Variants in GUCD1 observed in about 807,000 individuals in gnomAD.
GUCD1 encodes guanylyl cyclase domain containing 1, also known as protein GUCD1.
In GUCD1, 17 loss-of-function variants were observed where a neutral mutation model predicts 28.3. The ratio of observed to expected loss-of-function variants is 0.60; its 90% confidence interval spans 0.41 to 0.90. GUCD1 has a LOEUF of 0.90. GUCD1 is among the 40% of genes least tolerant of loss of function. The pLI, the probability that GUCD1 is intolerant of heterozygous loss-of-function variation, is 0.00. For synonymous variants in GUCD1, 129 were observed against 123.3 expected (o/e 1.05, Z -0.30); for missense variants, 279 against 305.5 (o/e 0.91, Z 0.65).
chr22:24,543,969 G>C lies in GUCD1; in HGVS notation c.501C>G (p.Cys167Trp), dbSNP rs1386941959. Residue 167 changes from cysteine to tryptophan, a missense_variant, in exon 5 of 6, where the codon TGC (cysteine) becomes TGG (tryptophan). Cys to Trp is a radical substitution (Grantham distance 215, BLOSUM62 -2). Coordinates refer to ENST00000435822, the MANE Select transcript of GUCD1 (RefSeq NM_001284254.2). ...CDLCSSPVKY[C>W]CFTPSGHHCF... ...AGTGGTGGCCACTGGGGGTGAAGCA[G>C]CAGTACTTGACAGGGCTGGAGCACA... The C allele has an allele frequency of 2.5e-6, 4 of 1,614,064 alleles. No homozygotes were observed. The highest frequency in any genetic ancestry group is 3.4e-6 in the Non-Finnish European group (4 of 1,179,986).
chr22:24,548,060 G>C lies in GUCD1; in HGVS notation c.142C>G (p.Leu48Val). 6.2e-7 allele frequency: 1 copy of C among 1,613,878 alleles called. No homozygotes were observed. Among genetic ancestry groups the C allele is most frequent in the Non-Finnish European group, 8.5e-7 (1 of 1,179,932 alleles). The change falls in exon 3 of 6, where the codon CTG (leucine) becomes GTG (valine). Residue 48 changes from leucine (L) to valine (V), a missense_variant. By Grantham distance (32) the Leu-to-Val change is conservative. Coordinates refer to ENST00000435822, the MANE Select transcript of GUCD1 (RefSeq NM_001284254.2). ...GCTCTCTCAAACTCACTGTCGTCCA[G>C]CTGGCCCAGGTACCTGCAGGTAGAC... ...SRMVLRYLGQ[L>V]DDSEFERALQ... is the part of the protein sequence containing the mutation.
At chr22:24,544,592 A>G (rs1021378237) in intron 4 of GUCD1, among the ~76,000 whole-genome samples, 2 of 152,162 alleles carry the variant, frequency 1.3e-5, no homozygotes, top group African/African-American at 4.8e-5. Context: ...GCTGCCCAGG[A>G]AGGGCTGGGC....
Position 24,541,984 on chromosome 22 carries a change from A to G in GUCD1, c.*1022T>C, listed in dbSNP as rs1333717968. 6.6e-6 allele frequency: 1 copy of G among 152,278 alleles called. No homozygotes were observed. The highest frequency in any genetic ancestry group is 1.5e-5 in the Non-Finnish European group (1 of 68,056). 9.4% of individuals were successfully genotyped at this position (152,278 alleles called of 1,614,324 possible). A position where few individuals can be genotyped will look rare whatever the true frequency, so the allele number is the denominator to read the frequency against. On this transcript the variant is annotated 3_prime_UTR_variant, in exon 6 of 6. Coordinates refer to ENST00000435822, the MANE Select transcript of GUCD1 (RefSeq NM_001284254.2). ...CAAAAAAGAGGAAGGAAAGAGCTCTATGCTACTTGCTGTGTTGTAAGATCC... is the reference window on the plus strand; with the variant it reads ...CAAAAAAGAGGAAGGAAAGAGCTCTGTGCTACTTGCTGTGTTGTAAGATCC...
At chr22:24,543,211 T>TTC in intron 5 of GUCD1, 114 bp from the exon 6 acceptor site, 1 of 750,214 alleles carries the variant, frequency 1.3e-6, no homozygotes, top group Non-Finnish European at 2.4e-6. Flanking sequence ...CACATGGCCA[T>TTC]TCCTCTCAAC....
chr22:24,555,340 G>A (rs2045025939), upstream of GUCD1: 2 of 1,378,882 alleles, frequency 1.5e-6, no homozygotes, highest in Non-Finnish European at 9.4e-7. Flanking sequence ...ACCAGGACGC[G>A]GGCCCCGGAA....
intron 1 of GUCD1, among the ~76,000 whole-genome samples, chr22:24,551,720 CTA>C (rs2044880442): frequency 6.6e-6 from 1 of 152,222 alleles, no homozygotes. Flanking sequence ...TCACAGCATC[CTA>C]TTCGTTTCCT....
chr22:24,553,430 G>C (rs577079860), intron 1 of GUCD1, among the ~76,000 whole-genome samples: 1 of 152,224 alleles, frequency 6.6e-6, no homozygotes, highest in Non-Finnish European at 1.5e-5. Context: ...ATGGGGATGA[G>C]GTTGCATTTG....
chr22:24,542,916 G>A lies in GUCD1; in HGVS notation c.*90C>T, dbSNP rs925615239. ...GCTGCAGTTCCACATTCCAACCCCA[G>A]CAGCCCCAAGCCTGGGCCAGGGCAT... On this transcript the variant is annotated 3_prime_UTR_variant, in exon 6 of 6. Transcript: ENST00000435822. 3 of 898,078 alleles carry A rather than the reference G, an allele frequency of 3.3e-6. No homozygotes were observed. Among genetic ancestry groups the A allele is most frequent in the East Asian group, 2.4e-5 (1 of 41,098 alleles). The allele number at this position is 898,078 out of a possible 1,614,324, so 55.6% of individuals were successfully genotyped here.
At chr22:24,554,815 ACT>A (rs1406317604) in intron 1 of GUCD1, 132 bp downstream of exon 1, 8 of 662,142 alleles carry the variant, frequency 1.2e-5, no homozygotes, top group Admixed American at 2.9e-5. Flanking sequence ...GGAAACCCCC[ACT>A]GACTGGAACC....
At chr22:24,544,191 T>C in intron 4 of GUCD1, 108 bp from the exon 5 acceptor site, 1 of 1,474,452 alleles carries the variant, frequency 6.8e-7, no homozygotes, top group Middle Eastern at 2.0e-4. Context: ...GGGGATCGGC[T>C]CCTTTTCCCT....
At position 24,555,033 on chromosome 22, in the gene GUCD1, G is replaced by A; in HGVS notation, c.-42C>T. On this transcript the variant is annotated 5_prime_UTR_variant, in exon 1 of 6. Transcript: ENST00000435822. Reference sequence around the variant, plus strand: ...GGCGCCCATGGCCCCGGCCCAGAGCGGGCTACAGCTTCCGCTTCGGCTGGG... The same window carrying A: ...GGCGCCCATGGCCCCGGCCCAGAGCAGGCTACAGCTTCCGCTTCGGCTGGG... The A allele has an allele frequency of 7.1e-7, 1 of 1,407,464 alleles. No homozygotes were observed. Among genetic ancestry groups the A allele is most frequent in the Non-Finnish European group, 9.3e-7 (1 of 1,078,958 alleles). The allele number at this position is 1,407,464 out of a possible 1,614,324, so 87.2% of individuals were successfully genotyped here. A position where few individuals can be genotyped will look rare whatever the true frequency, so the allele number is the denominator to read the frequency against.
chr22:24,547,654 G>A (rs2044761673), intron 3 of GUCD1: 2 of 475,020 alleles, frequency 4.2e-6, no homozygotes, highest in African/African-American at 3.9e-5. Flanking sequence ...TCTGAGGGCT[G>A]TAGAAGGCAG....
rs373201336 is a variant in GUCD1, at chr22:24,544,065, G to A, written c.405C>T (p.Asp135=). Residue 135 remains aspartate, a synonymous_variant, in exon 5 of 6, where the codon GAC becomes GAT. Transcript: ENST00000435822. ...LVEKCTVSVK[D]IQAHLAQGHV... ...GGCCCTGAGCCAGGTGCGCCTGGATGTCCTTCACACTCACTGTGCTGTGGG... is the reference window on the plus strand; with the variant it reads ...GGCCCTGAGCCAGGTGCGCCTGGATATCCTTCACACTCACTGTGCTGTGGG... The A allele has an allele frequency of 1.9e-4, 306 of 1,611,510 alleles. No homozygotes were observed. The highest frequency in any genetic ancestry group is 2.4e-4 in the Non-Finnish European group (284 of 1,178,210).
rs371348565 is a variant in GUCD1, at chr22:24,544,056, C to T, written c.414G>A (p.Ala138=). The change falls in exon 5 of 6, where the codon GCG becomes GCA. Residue 138 remains alanine (A), a synonymous_variant. Coordinates refer to ENST00000435822, the MANE Select transcript of GUCD1 (RefSeq NM_001284254.2). ...TGGCCACATGGCCCTGAGCCAGGTG[C>T]GCCTGGATGTCCTTCACACTCACTG... ...KCTVSVKDIQ[A]HLAQGHVAIV... The T allele has an allele frequency of 1.6e-4, 251 of 1,612,080 alleles. No homozygotes were observed. Among genetic ancestry groups the T allele is most frequent in the East Asian group, 9.1e-4 (41 of 44,872 alleles).
At chr22:24,546,345 T>C (rs2044727778) in intron 4 of GUCD1, among the ~76,000 whole-genome samples, 2 of 152,026 alleles carry the variant, frequency 1.3e-5, no homozygotes, top group Non-Finnish European at 2.9e-5. Context: ...AAAGGGAAAA[T>C]CTGAGAAGAG....
Position 24,542,806 on chromosome 22 carries a change from T to A in GUCD1, c.*200A>T. 2 of 536,566 alleles carry A rather than the reference T, an allele frequency of 3.7e-6. No individual in the cohort carries two copies. Among genetic ancestry groups the A allele is most frequent in the Non-Finnish European group, 6.8e-6 (2 of 295,680 alleles). 33.2% of individuals were successfully genotyped at this position (536,566 alleles called of 1,614,324 possible). A position where few individuals can be genotyped will look rare whatever the true frequency, so the allele number is the denominator to read the frequency against. On this transcript the variant is annotated 3_prime_UTR_variant, in exon 6 of 6. Transcript: ENST00000435822. ...TCCAGCAGCCAGCAGGTGCTTGGGG[T>A]GAGTGACATGACAACACACGGCACT...
At position 24,546,931 on chromosome 22, in the gene GUCD1, C is replaced by A. The variant is rs2044743063; in HGVS notation, c.369G>T (p.Lys123Asn). 1 of 1,613,952 alleles carries A rather than the reference C, an allele frequency of 6.2e-7. No homozygotes were observed. Among genetic ancestry groups the A allele is most frequent in the South Asian group, 1.1e-5 (1 of 91,088 alleles). ...GGGCTCACCATTTCTCCACCAGCAC[C>A]TTGCAGGCCTTTGCTTGTGCAAACA... ...NQLFAQAKACKVLVEKCTVSV... is the reference protein window; with the variant it reads ...NQLFAQAKACNVLVEKCTVSV... Residue 123 changes from lysine (K) to asparagine (N), a missense_variant, in exon 4 of 6, where the codon AAG becomes AAT. Physicochemically the swap from Lys to Asn is moderately conservative, Grantham distance 94. Coordinates refer to ENST00000435822, the MANE Select transcript of GUCD1 (RefSeq NM_001284254.2).
chr22:24,545,928 G>A lies in GUCD1; in HGVS notation c.386+986C>T, dbSNP rs114351995. Reference sequence around the variant, plus strand: ...TTTTAAAGCCCGGGGCAGTACTCTTGGAAAATGTCCCACATCCTGGATTTG... The same window carrying A: ...TTTTAAAGCCCGGGGCAGTACTCTTAGAAAATGTCCCACATCCTGGATTTG... On this transcript the variant is annotated intron_variant, in intron 4 of 5. Coordinates refer to ENST00000435822, the MANE Select transcript of GUCD1 (RefSeq NM_001284254.2). Among the ~76,000 whole-genome samples, 475 of 149,486 alleles carry A rather than the reference G, an allele frequency of 3.2e-3. 3 individuals carry two copies. Among genetic ancestry groups the A allele is most frequent in the African/African-American group, 0.011 (456 of 40,604 alleles).
At chr22:24,545,890 C>CCCCAAACCCCCATTTTCTAAA in intron 4 of GUCD1, among the ~76,000 whole-genome samples, 1 of 151,240 alleles carries the variant, frequency 6.6e-6, no homozygotes, top group East Asian at 2.0e-4. Flanking sequence ...CGTGCCCGGC[C>CCCCAAACCCCCATTTTCTAAA]TGTTTTGTTG....
Sources: gnomAD v4.1 joint callset for allele counts (sites outside exome capture counted in the v4.1 genomes callset) on GRCh38, gnomAD v4.1.1 for gene constraint, MANE v1.5 for transcripts, NCBI Gene and HGNC (gene_info 2026-07-23, HGNC 2026-07-21) for gene names.